SKA2: variants seen among roughly 807,000 people sequenced by gnomAD.
SKA2 encodes the protein spindle and kinetochore-associated protein 2.
In SKA2, 13 loss-of-function variants were observed where a neutral mutation model predicts 16.9. The ratio of observed to expected loss-of-function variants is 0.77; its 90% confidence interval spans 0.50 to 1.22. The LOEUF (loss-of-function observed/expected upper bound fraction) is 1.22. SKA2 is among the 50% of genes most tolerant of loss of function. The probability of loss-of-function intolerance (pLI) is 0.00; values close to 1 mark genes in which losing one functional copy is unlikely to be tolerated. For synonymous variants in SKA2, 47 were observed against 48.5 expected, an observed-to-expected ratio of 0.97 and a Z score of 0.13; for missense variants, 107 against 139.7, an observed-to-expected ratio of 0.77 and a Z score of 1.18.
At chr17:59,124,611 A>T (rs145146725) in intron 2 of SKA2, among the ~76,000 whole-genome samples, 2 of 152,298 alleles carry the variant, frequency 1.3e-5, no homozygotes, top group African/African-American at 4.8e-5. Context: ...CAGGAGAATG[A>T]TGAGTTCCCC....
At chr17:59,116,530 T>C (rs568191770) in intron 3 of SKA2, among the ~76,000 whole-genome samples, 6 of 152,290 alleles carry the variant, frequency 3.9e-5, no homozygotes, top group Non-Finnish European at 8.8e-5. Flanking sequence ...TCTGTATTTA[T>C]TATTTAGTAT....
chr17:59,127,549 C>T (rs552808688), intron 2 of SKA2, among the ~76,000 whole-genome samples: 10 of 152,088 alleles, frequency 6.6e-5, no homozygotes, highest in African/African-American at 2.4e-4. Flanking sequence ...CCACCACGCC[C>T]GGCTAATTTT....
At chr17:59,150,547 G>A (rs1335812249) in intron 1 of SKA2, among the ~76,000 whole-genome samples, 3 of 151,990 alleles carry the variant, frequency 2.0e-5, no homozygotes, top group Non-Finnish European at 4.4e-5. Context: ...GACCAACCTC[G>A]GCAACACAGT....
At chr17:59,143,507 G>A (rs1003060780) in intron 1 of SKA2, among the ~76,000 whole-genome samples, 1 of 152,068 alleles carries the variant, frequency 6.6e-6, no homozygotes, top group African/African-American at 2.4e-5. Flanking sequence ...TCAGCCTCTC[G>A]AGTAGCTGGG....
intron 1 of SKA2, among the ~76,000 whole-genome samples, chr17:59,144,695 T>C (rs1035591939): frequency 2.0e-5 from 3 of 152,188 alleles, no homozygotes; most frequent in Non-Finnish European, 4.4e-5. Context: ...TATGATTTCA[T>C]TTAAATGAGG....
At chr17:59,114,069 A>C (rs1239147952) in intron 3 of SKA2, among the ~76,000 whole-genome samples, 1 of 152,198 alleles carries the variant, frequency 6.6e-6, no homozygotes, top group Non-Finnish European at 1.5e-5. Context: ...TTCTCTTCTC[A>C]GGGTTCTCTC....
At chr17:59,143,853 A>T (rs564706529) in intron 1 of SKA2, among the ~76,000 whole-genome samples, 2 of 152,308 alleles carry the variant, frequency 1.3e-5, no homozygotes, top group East Asian at 1.9e-4. Flanking sequence ...ATATGAATTT[A>T]AAATGATTAA....
At chr17:59,146,033 A>C (rs1472078938) in intron 1 of SKA2, among the ~76,000 whole-genome samples, 1 of 152,034 alleles carries the variant, frequency 6.6e-6, no homozygotes, top group African/African-American at 2.4e-5. Context: ...CAAAGTAGGA[A>C]GCACTTTTAT....
chr17:59,119,172 C>T (rs2046315690), intron 3 of SKA2, 147 bp downstream of exon 3: 1 of 739,736 alleles, frequency 1.4e-6, no homozygotes, highest in Non-Finnish European at 2.2e-6. Flanking sequence ...GAAATAAGAG[C>T]TATTATACTT....
At chr17:59,138,721 C>T (rs1056858266) in intron 1 of SKA2, among the ~76,000 whole-genome samples, 4 of 152,012 alleles carry the variant, frequency 2.6e-5, no homozygotes, top group Non-Finnish European at 4.4e-5. Flanking sequence ...CATGAGCCAC[C>T]GCGCCCAGCC....
At chr17:59,133,055 G>T (rs2046421697) in intron 1 of SKA2, among the ~76,000 whole-genome samples, 1 of 152,194 alleles carries the variant, frequency 6.6e-6, no homozygotes, top group South Asian at 2.1e-4. Context: ...ATAGCTCACT[G>T]CAGTGTCAAA....
intron 1 of SKA2, among the ~76,000 whole-genome samples, chr17:59,150,919 A>AAC (rs1237542466): frequency 1.3e-5 from 2 of 152,348 alleles, no homozygotes; most frequent in East Asian, 3.9e-4. Flanking sequence ...GACAAACCAT[A>AAC]ACAACTTAGA....
chr17:59,114,810 A>G (rs2046285719), intron 3 of SKA2, among the ~76,000 whole-genome samples: 1 of 152,184 alleles, frequency 6.6e-6, no homozygotes, highest in African/African-American at 2.4e-5. Context: ...GTACAACCTG[A>G]AGAATCAAGT....
intron 1 of SKA2, among the ~76,000 whole-genome samples, chr17:59,147,783 C>A (rs1419824925): frequency 7.0e-6 from 1 of 142,384 alleles, no homozygotes; most frequent in Non-Finnish European, 1.5e-5. Context: ...TTTTTAAGAG[C>A]ACTAGTAGAA....
intron 2 of SKA2, 24 bp from the exon 3 acceptor site, chr17:59,119,519 T>C (rs1444194834): frequency 6.3e-7 from 1 of 1,599,834 alleles, no homozygotes. Context: ...AAAGTGAACA[T>C]GTATTAAATT....
intron 1 of SKA2, among the ~76,000 whole-genome samples, chr17:59,153,834 C>T (rs146765323): frequency 0.01 from 1,549 of 151,744 alleles, 17 homozygotes; most frequent in Non-Finnish European, 0.015. Context: ...TACAGTGACG[C>T]GATCTCGGCT....
intron 1 of SKA2, among the ~76,000 whole-genome samples, chr17:59,148,269 C>T (rs1046326565): frequency 6.6e-6 from 1 of 152,040 alleles, no homozygotes; most frequent in Non-Finnish European, 1.5e-5. Context: ...CCAGAGGGCT[C>T]GATATTGCTA....
chr17:59,145,373 G>T (rs1264578492), intron 1 of SKA2, among the ~76,000 whole-genome samples: 1 of 152,050 alleles, frequency 6.6e-6, no homozygotes, highest in Non-Finnish European at 1.5e-5. Context: ...GTTTCCCCCA[G>T]TTGTACAATA....
intron 1 of SKA2, among the ~76,000 whole-genome samples, chr17:59,133,242 G>A (rs1437938569): frequency 1.3e-5 from 2 of 152,200 alleles, no homozygotes; most frequent in African/African-American, 2.4e-5. Flanking sequence ...AATTACAGAC[G>A]TGAGCCACCA....
Sources: allele counts gnomAD v4.1 joint callset (sites outside exome capture counted in the v4.1 genomes callset), GRCh38; gene constraint gnomAD v4.1.1; transcripts MANE v1.5; gene names NCBI Gene and HGNC (gene_info 2026-07-23, HGNC 2026-07-21).